Variants in FRAS1 observed in about 807,000 individuals in gnomAD.
FRAS1 encodes extracellular matrix organizing protein FRAS1.
Under a neutral mutation model 435.2 loss-of-function variants are expected in FRAS1, and 290 were observed. The observed-to-expected ratio is 0.67, with a 90% CI of 0.61 to 0.73. The LOEUF (loss-of-function observed/expected upper bound fraction) is 0.73. FRAS1 is among the 30% of genes least tolerant of loss of function. FRAS1 has a pLI of 0.00. For missense variants in FRAS1, 4,860 were observed against 5,001.5 expected (o/e 0.97, Z 0.85); for synonymous variants, 1,800 against 1,851.0 (o/e 0.97, Z 0.71).
intron 2 of FRAS1, among the ~76,000 whole-genome samples, chr4:78,091,078 CA>C (rs1419000733): frequency 2.0e-5 from 3 of 152,040 alleles, no homozygotes; most frequent in Non-Finnish European, 4.4e-5. Flanking sequence ...GTCTGGGGTT[CA>C]AATTTGCATT....
In FRAS1 at chr4:78,387,440, C is replaced by G. The variant is rs1220031112; in HGVS notation, c.3714C>G (p.Thr1238=). 1 of 1,613,654 alleles carries G rather than the reference C, an allele frequency of 6.2e-7. No homozygotes were observed. Among genetic ancestry groups the G allele is most frequent in the African/African-American group, 1.3e-5 (1 of 74,868 alleles). ...ISRGERATIT[T]QMLDIRDDDN... ...GAGGAGAGAGGGCAACCATCACCACCCAGATGCTTGACATCCGAGATGATG... is the reference window on the plus strand; with the variant it reads ...GAGGAGAGAGGGCAACCATCACCACGCAGATGCTTGACATCCGAGATGATG... The change falls in exon 29 of 74, where the codon ACC becomes ACG. Residue 1238 remains threonine, a synonymous_variant. Coordinates refer to ENST00000512123, the MANE Select transcript of FRAS1 (RefSeq NM_025074.7).
intron 53 of FRAS1, among the ~76,000 whole-genome samples, chr4:78,474,122 A>G (rs1719793216): frequency 6.6e-6 from 1 of 152,092 alleles, no homozygotes; most frequent in Non-Finnish European, 1.5e-5. Flanking sequence ...CTTGTTCCCA[A>G]CCCTGTTTTC....
chr4:78,423,335 T>TG (rs1247044493), intron 34 of FRAS1, among the ~76,000 whole-genome samples: 9 of 151,838 alleles, frequency 5.9e-5, no homozygotes, highest in Non-Finnish European at 1.2e-4. Context: ...CCCGGCTAAG[T>TG]TTTGTATTTT....
chr4:78,127,550 T>A (rs898866480), intron 2 of FRAS1, among the ~76,000 whole-genome samples: 17 of 152,170 alleles, frequency 1.1e-4, no homozygotes, highest in Admixed American at 8.5e-4. Flanking sequence ...GTAAGGTCAT[T>A]AAGACTTGGT....
chr4:78,247,988 G>A (rs1293754257), intron 4 of FRAS1, among the ~76,000 whole-genome samples: 4 of 152,224 alleles, frequency 2.6e-5, no homozygotes, highest in Admixed American at 6.5e-5. Flanking sequence ...GACTGGCTGA[G>A]CTAAGGGCTG....
chr4:78,406,556 C>A (rs751879989), intron 30 of FRAS1, among the ~76,000 whole-genome samples: 12 of 152,106 alleles, frequency 7.9e-5, no homozygotes, highest in Non-Finnish European at 1.3e-4. Context: ...TGGGAAAGAC[C>A]GGCCCCTATG....
chr4:78,468,485 ACATCAT>A (rs11267487), intron 50 of FRAS1, among the ~76,000 whole-genome samples: 18 of 150,132 alleles, frequency 1.2e-4, no homozygotes, highest in African/African-American at 2.7e-4. Flanking sequence ...GAAGCTGTAA[ACATCAT>A]CATCATCATC....
chr4:78,379,944 A>C lies in FRAS1; in HGVS notation c.3511A>C (p.Lys1171Gln). ...GGACAAGGCTGGCCGTTTTAGCTGG[A>C]AAGATGTGAACGAGAAGAAAGTGCG... ...QLDKAGRFSW[K>Q]DVNEKKVRFV... The change falls in exon 27 of 74, where the codon AAA becomes CAA. Residue 1171 changes from lysine (K) to glutamine (Q), a missense_variant. Coordinates refer to ENST00000512123, the MANE Select transcript of FRAS1 (RefSeq NM_025074.7). The C allele has an allele frequency of 1.2e-6, 2 of 1,613,890 alleles. No individual in the cohort carries two copies. The highest frequency in any genetic ancestry group is 1.7e-6 in the Non-Finnish European group (2 of 1,179,846).
intron 2 of FRAS1, among the ~76,000 whole-genome samples, chr4:78,082,265 T>C (rs1361883288): frequency 6.6e-6 from 1 of 152,146 alleles, no homozygotes; most frequent in African/African-American, 2.4e-5. Flanking sequence ...ACTTTCACTT[T>C]TGAGGCAGTT....
chr4:78,474,889 A>G (rs1719811661), intron 53 of FRAS1, among the ~76,000 whole-genome samples: 1 of 116,152 alleles, frequency 8.6e-6, no homozygotes, highest in Non-Finnish European at 2.0e-5. Context: ...AGCAAGCTAA[A>G]TTAATCATGT....
In FRAS1 at chr4:78,092,094, C is replaced by T. The variant is rs981289089; in HGVS notation, c.108+26078C>T. On this transcript the variant is annotated intron_variant, in intron 2 of 73. Coordinates refer to ENST00000512123, the MANE Select transcript of FRAS1 (RefSeq NM_025074.7). ...TGGCTGGTGGTTCTGGAGCTATAGA[C>T]TCTTCATATTCCCTCAGTGTTTTGG... Among the ~76,000 whole-genome samples, 11 of 151,512 alleles carry T rather than the reference C, an allele frequency of 7.3e-5. 1 individual carries two copies. Among genetic ancestry groups the T allele is most frequent in the African/African-American group, 2.7e-4 (11 of 41,354 alleles).
intron 38 of FRAS1, among the ~76,000 whole-genome samples, chr4:78,434,433 C>T (rs78102603): frequency 0.022 from 3,323 of 152,276 alleles, 122 homozygotes; most frequent in African/African-American, 0.076. Flanking sequence ...CTTAAACTCT[C>T]TAGGCCTCGG....
intron 20 of FRAS1, among the ~76,000 whole-genome samples, chr4:78,341,839 G>A (rs1730408544): frequency 6.6e-6 from 1 of 152,134 alleles, no homozygotes. Flanking sequence ...ACATCCCAGA[G>A]TGTCTCTCCA....
At chr4:78,423,068 A>G (rs1733853746) in intron 34 of FRAS1, among the ~76,000 whole-genome samples, 1 of 152,168 alleles carries the variant, frequency 6.6e-6, no homozygotes, top group South Asian at 2.1e-4. Flanking sequence ...CCAGTCATCA[A>G]GGTTGCTGAC....
rs1446662865 is a variant in FRAS1 at position 78,499,801 on chromosome 4, A to G, written c.9196A>G (p.Lys3066Glu). 22 of 1,613,912 alleles carry G rather than the reference A, an allele frequency of 1.4e-5. No homozygotes were observed. Among genetic ancestry groups the G allele is most frequent in the Non-Finnish European group, 1.6e-5 (19 of 1,179,830 alleles). The stretch of plus-strand genomic sequence containing the variant: ...AGATGCCATTGCGATTCTGAACATC[A>G]AGGTGATCCGCAGAGGGGATCAGAA... ...GPDAIAILNI[K>E]VIRRGDQNRT... The change falls in exon 61 of 74, where the codon AAG becomes GAG. Residue 3066 changes from lysine to glutamate, a missense_variant. Physicochemically the swap from Lys to Glu is moderately conservative, Grantham distance 56. Transcript: ENST00000512123.
intron 2 of FRAS1, among the ~76,000 whole-genome samples, chr4:78,230,382 G>T (rs548029144): frequency 6.6e-6 from 1 of 152,160 alleles, no homozygotes; most frequent in African/African-American, 2.4e-5. Flanking sequence ...TTTTCTTAGC[G>T]GTAAGTGTCC....
chr4:78,088,405 C>A lies in FRAS1; in HGVS notation c.108+22389C>A, dbSNP rs553600535. 8.7e-4 allele frequency among the ~76,000 whole-genome samples: 132 copies of A among 151,834 alleles called. 1 individual carries two copies. Among genetic ancestry groups the A allele is most frequent in the Middle Eastern group, 3.4e-3 (1 of 294 alleles). Reference sequence around the variant, plus strand: ...TGTCTAAAACACCAAAAGCAATGGCCACAAAAGCCAAAATTGACAAATGGG... The same window carrying A: ...TGTCTAAAACACCAAAAGCAATGGCAACAAAAGCCAAAATTGACAAATGGG... On this transcript the variant is annotated intron_variant, in intron 2 of 73. Coordinates refer to ENST00000512123, the MANE Select transcript of FRAS1 (RefSeq NM_025074.7).
At chr4:78,483,367 C>T (rs756175838) in intron 58 of FRAS1, among the ~76,000 whole-genome samples, 47 of 152,260 alleles carry the variant, frequency 3.1e-4, no homozygotes, top group Non-Finnish European at 4.9e-4. Context: ...GGTTACTTCT[C>T]AGAAGAATTG....
At chr4:78,354,698 T>C (rs1007340063) in intron 20 of FRAS1, among the ~76,000 whole-genome samples, 1 of 152,218 alleles carries the variant, frequency 6.6e-6, no homozygotes, top group African/African-American at 2.4e-5. Flanking sequence ...TGTCGTTGCA[T>C]TAAGAACCTA....
Sources: gnomAD v4.1 joint callset for allele counts (sites outside exome capture counted in the v4.1 genomes callset) on GRCh38, gnomAD v4.1.1 for gene constraint, MANE v1.5 for transcripts, NCBI Gene and HGNC (gene_info 2026-07-23, HGNC 2026-07-21) for gene names.